The following STRN variants were observed in gnomAD, a reference collection of about 807,000 sequenced individuals.
STRN encodes the protein striatin, also known as protein phosphatase 2 regulatory subunit B'''alpha.
Under a neutral mutation model 96.3 loss-of-function variants are expected in STRN, and 53 were observed. The observed-to-expected ratio is 0.55, with a 90% CI of 0.44 to 0.69. The LOEUF (loss-of-function observed/expected upper bound fraction) is 0.69. Ranked by LOEUF, STRN falls within the 30% of genes least tolerant of loss-of-function variation. The probability of loss-of-function intolerance (pLI) is 0.00; values close to 1 mark genes in which losing one functional copy is unlikely to be tolerated. For missense variants in STRN, 987 were observed against 963.9 expected, an observed-to-expected ratio of 1.02 and a Z score of -0.32; for synonymous variants, 428 against 355.9, an observed-to-expected ratio of 1.20 and a Z score of -2.28.
At chr2:36,914,838 T>C (rs1670048482) in intron 3 of STRN, among the ~76,000 whole-genome samples, 2 of 152,152 alleles carry the variant, frequency 1.3e-5, no homozygotes, top group African/African-American at 2.4e-5. Flanking sequence ...ATTTCACATA[T>C]GTAAAATCCA....
chr2:36,954,475 G>C (rs1664833598), intron 1 of STRN, among the ~76,000 whole-genome samples: 1 of 145,872 alleles, frequency 6.9e-6, no homozygotes, highest in Admixed American at 7.0e-5. Context: ...TTACACCATT[G>C]TACTCCAGCC....
Position 36,915,135 on chromosome 2 carries a change from T to C in STRN, c.412+943A>G, listed in dbSNP as rs28619876. 9.4e-3 allele frequency among the ~76,000 whole-genome samples: 1,380 copies of C among 146,704 alleles called. 24 individuals carry two copies. The highest frequency in any genetic ancestry group is 0.033 in the African/African-American group (1,325 of 39,916). ...TGGCGTGAACCCGGGAGGTGGAGCT[T>C]GCAGTGAGCCGAGATCATGCCGCTG... On this transcript the variant is annotated intron_variant, in intron 3 of 17. Transcript: ENST00000263918.
chr2:36,900,862 C>T (rs1244186574), intron 5 of STRN, among the ~76,000 whole-genome samples: 1 of 151,922 alleles, frequency 6.6e-6, no homozygotes, highest in Admixed American at 6.6e-5. Context: ...CACTGCACTC[C>T]AGCCCAGGTG....
chr2:36,846,398 T>TATATATA lies in STRN; in HGVS notation c.*3051_*3057dup, dbSNP rs1280293898. ...AATGCACCTATGGTTTATATATATA[T>TATATATA]ATATATATATATATATATATATATA... On this transcript the variant is annotated 3_prime_UTR_variant, in exon 18 of 18. Transcript: ENST00000263918. 1 of 40,838 alleles carries TATATATA rather than the reference T, an allele frequency of 2.4e-5. No homozygotes were observed. The highest frequency in any genetic ancestry group is 8.5e-5 in the Non-Finnish European group (1 of 11,710). The allele number at this position is 40,838 out of a possible 1,614,324, so 2.5% of individuals were successfully genotyped here. A position where few individuals can be genotyped will look rare whatever the true frequency, so the allele number is the denominator to read the frequency against.
intron 5 of STRN, among the ~76,000 whole-genome samples, chr2:36,900,289 A>G (rs1341205849): frequency 6.6e-6 from 1 of 152,146 alleles, no homozygotes; most frequent in Non-Finnish European, 1.5e-5. Flanking sequence ...TTTTAAAAAT[A>G]TTTTTATTAT....
intron 16 of STRN, among the ~76,000 whole-genome samples, chr2:36,850,349 A>AAT (rs1303563389): frequency 6.6e-6 from 1 of 152,224 alleles, no homozygotes; most frequent in Non-Finnish European, 1.5e-5. Flanking sequence ...TATGGCAGCT[A>AAT]ATATAGGGTG....
At chr2:36,870,899 G>A (rs1442262761) in intron 10 of STRN, among the ~76,000 whole-genome samples, 1 of 152,098 alleles carries the variant, frequency 6.6e-6, no homozygotes, top group Non-Finnish European at 1.5e-5. Flanking sequence ...AGAAGAGAGT[G>A]ATACTGATGA....
chr2:36,850,857 G>A (rs1572620278), intron 16 of STRN, 143 bp downstream of exon 16: 2 of 571,642 alleles, frequency 3.5e-6, no homozygotes, highest in East Asian at 6.1e-5. Flanking sequence ...ATAGAGTGAA[G>A]AGAAACTGAG....
chr2:36,856,662 G>A (rs930735322), intron 14 of STRN, among the ~76,000 whole-genome samples: 4 of 152,166 alleles, frequency 2.6e-5, no homozygotes, highest in Non-Finnish European at 5.9e-5. Flanking sequence ...GGAAAGACAC[G>A]AAGGAACTTT....
At chr2:36,915,233 AT>A (rs1670063036) in intron 3 of STRN, among the ~76,000 whole-genome samples, 7 of 5,916 alleles carry the variant, frequency 1.2e-3, no homozygotes, top group African/African-American at 0.01. Context: ...GAATACATAA[AT>A]ATATATATAT....
chr2:36,960,640 T>C (rs1665007180), intron 1 of STRN, among the ~76,000 whole-genome samples: 1 of 152,188 alleles, frequency 6.6e-6, no homozygotes. Flanking sequence ...ATGAGAAAAC[T>C]AAGGCTCTGA....
At chr2:36,923,384 G>C (rs1282492848) in intron 2 of STRN, among the ~76,000 whole-genome samples, 1 of 148,540 alleles carries the variant, frequency 6.7e-6, no homozygotes, top group African/African-American at 2.5e-5. Flanking sequence ...CCAGAAGGCG[G>C]AGGTTGCAGT....
chr2:36,920,814 C>T (rs1343838852), intron 2 of STRN, among the ~76,000 whole-genome samples: 4 of 152,162 alleles, frequency 2.6e-5, no homozygotes, highest in South Asian at 2.1e-4. Context: ...CGGTGGCTCA[C>T]GTCTGTGATC....
intron 16 of STRN, 151 bp from the exon 17 acceptor site, chr2:36,849,951 C>A: frequency 1.4e-6 from 1 of 713,664 alleles, no homozygotes; most frequent in South Asian, 1.9e-5. Flanking sequence ...AACATGTCTC[C>A]CTCTTGCCTC....
chr2:36,863,235 A>G (rs1011737586), intron 12 of STRN, among the ~76,000 whole-genome samples: 2 of 151,620 alleles, frequency 1.3e-5, no homozygotes, highest in African/African-American at 4.9e-5. Flanking sequence ...TGGTGTCTTC[A>G]TCATGAAATC....
chr2:36,851,339 C>T (rs1157037675), intron 15 of STRN, among the ~76,000 whole-genome samples: 4 of 151,802 alleles, frequency 2.6e-5, no homozygotes, highest in Non-Finnish European at 5.9e-5. Context: ...AAAAATTAGC[C>T]GAGTGTGGTG....
At chr2:36,917,015 C>A (rs1670117694) in intron 2 of STRN, among the ~76,000 whole-genome samples, 1 of 145,374 alleles carries the variant, frequency 6.9e-6, no homozygotes, top group African/African-American at 2.6e-5. Context: ...AAGACTGGGA[C>A]TCTGTGAGAA....
chr2:36,911,346 T>A (rs1669961525), intron 3 of STRN, among the ~76,000 whole-genome samples: 2 of 152,196 alleles, frequency 1.3e-5, no homozygotes, highest in African/African-American at 4.8e-5. Context: ...TTACTCCCAA[T>A]TCATTAGTTC....
chr2:36,838,771 A>C lies in STRN; in HGVS notation c.*10685T>G, dbSNP rs1338425804. Among the ~76,000 whole-genome samples the C allele has an allele frequency of 6.6e-6, 1 of 152,206 alleles. No homozygotes were observed. The highest frequency in any genetic ancestry group is 1.5e-5 in the Non-Finnish European group (1 of 68,028). The stretch of plus-strand genomic sequence containing the variant: ...TCATGGTGACAAACATATACACAGG[A>C]ATGTTTATTGTAATAATAAAAAGGA... On this transcript the variant is annotated 3_prime_UTR_variant, in exon 18 of 18. Coordinates refer to ENST00000263918, the MANE Select transcript of STRN (RefSeq NM_003162.4).
Sources: allele counts gnomAD v4.1 joint callset (sites outside exome capture counted in the v4.1 genomes callset), GRCh38; gene constraint gnomAD v4.1.1; transcripts MANE v1.5; gene names NCBI Gene and HGNC (gene_info 2026-07-23, HGNC 2026-07-21).